The following DLGAP1 variants were observed in gnomAD, a reference collection of about 807,000 sequenced individuals.
The protein encoded by DLGAP1 is DLG associated protein 1.
Under a neutral mutation model 90.8 loss-of-function variants are expected in DLGAP1, and 11 were observed. The observed-to-expected ratio is 0.12, with a 90% CI of 0.08 to 0.20. The LOEUF (loss-of-function observed/expected upper bound fraction) is 0.20, where lower values mean the gene tolerates loss of function less well. Among genes scored for constraint, DLGAP1 ranks in the 10% least tolerant of loss-of-function variants. DLGAP1 has a pLI of 1.00. For missense variants in DLGAP1, 1,050 were observed against 1,333.8 expected, an observed-to-expected ratio of 0.79 and a Z score of 3.31; for synonymous variants, 558 against 540.7, an observed-to-expected ratio of 1.03 and a Z score of -0.44.
rs532794429 is a variant in DLGAP1, at chr18:3,522,546, CTTTTTTT to C, written c.2479+11641_2479+11647del. Among the ~76,000 whole-genome samples the C allele has an allele frequency of 4.7e-4, 55 of 116,556 alleles. 1 individual carries two copies. The highest frequency in any genetic ancestry group is 5.9e-3 in the Middle Eastern group (1 of 170). 76.5% of individuals were successfully genotyped at this position (116,556 alleles called of 152,430 possible). A position where few individuals can be genotyped will look rare whatever the true frequency, so the allele number is the denominator to read the frequency against. On this transcript the variant is annotated intron_variant, in intron 10 of 12. Transcript: ENST00000315677. ...ACTTTAAAGACACGTGCAGTCAACTCTTTTTTTTTTTTTTTTTTGGAGACCTCATTCT... is the reference window on the plus strand; with the variant it reads ...ACTTTAAAGACACGTGCAGTCAACTCTTTTTTTTTTTGGAGACCTCATTCT...
At chr18:3,674,359 C>G (rs1178803165) in intron 7 of DLGAP1, among the ~76,000 whole-genome samples, 8 of 149,578 alleles carry the variant, frequency 5.3e-5, no homozygotes, top group African/African-American at 2.0e-4. Flanking sequence ...TGGCTCATGC[C>G]TATAATTCCA....
At chr18:3,699,532 C>A (rs1234013549) in intron 7 of DLGAP1, among the ~76,000 whole-genome samples, 2 of 152,118 alleles carry the variant, frequency 1.3e-5, no homozygotes, top group Admixed American at 1.3e-4. Flanking sequence ...GGGGCATCTG[C>A]CAGATGACAG....
chr18:3,896,198 C>T (rs893869758), intron 3 of DLGAP1: 1 of 152,152 alleles, frequency 6.6e-6, no homozygotes. Flanking sequence ...AACTTGCCCA[C>T]AGGGCACAAC....
At chr18:3,781,854 C>A (rs2065207863) in intron 5 of DLGAP1, among the ~76,000 whole-genome samples, 1 of 152,132 alleles carries the variant, frequency 6.6e-6, no homozygotes, top group Admixed American at 6.5e-5. Context: ...CTTATAAATT[C>A]AACAAGTTCA....
At chr18:4,385,965 A>G (rs1222445497) in intron 1 of DLGAP1, among the ~76,000 whole-genome samples, 3 of 152,176 alleles carry the variant, frequency 2.0e-5, no homozygotes, top group East Asian at 1.9e-4. Flanking sequence ...AGAAAAGCAC[A>G]AAGAAATATA....
chr18:3,568,879 G>A (rs546597455), intron 8 of DLGAP1, among the ~76,000 whole-genome samples: 3 of 151,854 alleles, frequency 2.0e-5, no homozygotes, highest in East Asian at 1.9e-4. Context: ...GTAGAGACGG[G>A]GTTTCACTGT....
At chr18:3,813,917 G>T in intron 5 of DLGAP1, 142 bp downstream of exon 5, 1 of 779,352 alleles carries the variant, frequency 1.3e-6, no homozygotes, top group Non-Finnish European at 2.1e-6. Context: ...ACGGACGTCA[G>T]ATCTAAAGTC....
chr18:4,247,839 A>G (rs969289567), intron 1 of DLGAP1, among the ~76,000 whole-genome samples: 2 of 152,180 alleles, frequency 1.3e-5, no homozygotes, highest in Non-Finnish European at 2.9e-5. Flanking sequence ...TATTGCAGTC[A>G]AGAGGATTAA....
chr18:3,502,624 G>C lies in DLGAP1; in HGVS notation c.2593C>G (p.Pro865Ala). 6.2e-7 allele frequency: 1 copy of C among 1,614,022 alleles called. No individual in the cohort carries two copies. Among genetic ancestry groups the C allele is most frequent in the Middle Eastern group, 1.6e-4 (1 of 6,062 alleles). The change falls in exon 12 of 13, where the codon CCC becomes GCC. Residue 865 changes from proline to alanine, a missense_variant. This residue lies in a region of DLGAP1 where 565 missense variants were observed against 879.7 expected (regional missense o/e 0.64). Transcript: ENST00000315677. ...ENLNPNAHPR[P>A]TSQDLAGFWD... ...AACCCCGCCAAATCCTGGGAGGTGG[G>C]TCTTGGATGAGCATTAGGATTCTGC... is the stretch of plus-strand genomic sequence containing the variant.
At chr18:4,103,746 T>G (rs1387806257) in intron 2 of DLGAP1, among the ~76,000 whole-genome samples, 2 of 152,184 alleles carry the variant, frequency 1.3e-5, no homozygotes, top group Non-Finnish European at 2.9e-5. Flanking sequence ...AAGTTTTGTC[T>G]ATTGTTTGCT....
intron 3 of DLGAP1, among the ~76,000 whole-genome samples, chr18:3,925,248 C>A (rs1035252051): frequency 1.3e-5 from 2 of 151,790 alleles, no homozygotes; most frequent in African/African-American, 4.8e-5. Flanking sequence ...CCACTGCGCC[C>A]AGCAGCTGCA....
intron 1 of DLGAP1, among the ~76,000 whole-genome samples, chr18:4,448,579 C>G (rs1020932350): frequency 1.3e-5 from 2 of 152,136 alleles, no homozygotes; most frequent in Non-Finnish European, 1.5e-5. Context: ...CGCATTCTGT[C>G]TCACCATTCC....
At chr18:4,250,079 G>A (rs958762596) in intron 1 of DLGAP1, among the ~76,000 whole-genome samples, 5 of 152,128 alleles carry the variant, frequency 3.3e-5, no homozygotes, top group African/African-American at 9.7e-5. Flanking sequence ...ATCGCACTTC[G>A]GAGTTCAGCA....
chr18:4,224,060 G>T, intron 1 of DLGAP1, among the ~76,000 whole-genome samples: 1 of 152,192 alleles, frequency 6.6e-6, no homozygotes, highest in East Asian at 1.9e-4. Flanking sequence ...CCTAACTCCT[G>T]GTTGACATTT....
chr18:3,944,276 T>C (rs985326050), intron 3 of DLGAP1, among the ~76,000 whole-genome samples: 4 of 152,136 alleles, frequency 2.6e-5, no homozygotes, highest in Admixed American at 6.5e-5. Flanking sequence ...GGCGAGTGGA[T>C]CATGGAGTCA....
chr18:3,535,656 T>A (rs566428794), intron 9 of DLGAP1, among the ~76,000 whole-genome samples: 2 of 149,326 alleles, frequency 1.3e-5, no homozygotes, highest in Non-Finnish European at 3.0e-5. Context: ...TGCAGTGAGC[T>A]GAGATCGCAC....
chr18:3,628,715 C>T (rs1201886523), intron 7 of DLGAP1, among the ~76,000 whole-genome samples: 1 of 152,116 alleles, frequency 6.6e-6, no homozygotes, highest in Non-Finnish European at 1.5e-5. Context: ...TGGTTTTGAA[C>T]TTTAAATTAA....
Position 4,084,712 on chromosome 18 carries a change from A to G in DLGAP1, c.-159+66468T>C, listed in dbSNP as rs533929360. Among the ~76,000 whole-genome samples the G allele has an allele frequency of 6.6e-6, 1 of 152,182 alleles. No individual in the cohort carries two copies. Among genetic ancestry groups the G allele is most frequent in the African/African-American group, 2.4e-5 (1 of 41,448 alleles). Reference sequence around the variant, plus strand: ...TTTACCAAACTTAGCATAAAAATACATGGGGTTACTTATTTCTTTGGGCTT... The same window carrying G: ...TTTACCAAACTTAGCATAAAAATACGTGGGGTTACTTATTTCTTTGGGCTT... On this transcript the variant is annotated intron_variant, in intron 2 of 12. Transcript: ENST00000315677. The surrounding 1 kb of genome is among the most constrained non-coding windows in gnomAD (Gnocchi z 4.0).
At chr18:4,333,165 C>G (rs7506056) in intron 1 of DLGAP1, among the ~76,000 whole-genome samples, 10,719 of 151,978 alleles carry the variant, frequency 0.071, 517 homozygotes, top group Non-Finnish European at 0.088. Flanking sequence ...GTTTGTCTGG[C>G]CTGGTTAGGT....
Sources: gnomAD v4.1 joint callset for allele counts (sites outside exome capture counted in the v4.1 genomes callset) on GRCh38, gnomAD v4.1.1 for gene constraint, gnomAD v4.1.1 regional missense constraint, Gnocchi (gnomAD v3.1) non-coding constraint, MANE v1.5 for transcripts, NCBI Gene and HGNC (gene_info 2026-07-23, HGNC 2026-07-21) for gene names.